Variants in PLXNA4 observed in about 807,000 individuals in gnomAD.
The protein encoded by PLXNA4 is plexin A4.
Under a neutral mutation model 191.8 loss-of-function variants are expected in PLXNA4, and 44 were observed. The observed-to-expected ratio is 0.23, with a 90% CI of 0.18 to 0.29. PLXNA4 has a LOEUF of 0.29. Among genes scored for constraint, PLXNA4 ranks in the 10% least tolerant of loss-of-function variants. The probability of loss-of-function intolerance (pLI) is 1.00; values close to 1 mark genes in which losing one functional copy is unlikely to be tolerated. For missense variants in PLXNA4, 1,800 were observed against 2,488.8 expected (o/e 0.72, Z 5.89); for synonymous variants, 1,082 against 1,009.5 (o/e 1.07, Z -1.36).
intron 12 of PLXNA4, 21 bp downstream of exon 12, chr7:132,202,625 G>A: frequency 6.9e-7 from 1 of 1,449,300 alleles, no homozygotes; most frequent in Non-Finnish European, 9.1e-7. Flanking sequence ...ATTTGGAGCA[G>A]GAGGCCCGAC....
At chr7:132,613,093 G>A (rs1803084927) in intron 2 of PLXNA4, among the ~76,000 whole-genome samples, 1 of 152,174 alleles carries the variant, frequency 6.6e-6, no homozygotes, top group African/African-American at 2.4e-5. Flanking sequence ...GGAAGACAGA[G>A]AGGAAACTGA....
intron 1 of PLXNA4, among the ~76,000 whole-genome samples, chr7:132,532,481 T>C (rs946375034): frequency 2.0e-5 from 3 of 152,238 alleles, no homozygotes; most frequent in Admixed American, 6.5e-5. Flanking sequence ...TTGCCTCTTA[T>C]GTAAGTGAAA....
intron 3 of PLXNA4, among the ~76,000 whole-genome samples, chr7:132,445,693 G>A (rs761433907): frequency 2.0e-5 from 3 of 152,056 alleles, no homozygotes; most frequent in Admixed American, 6.6e-5. Flanking sequence ...TCACTTCCCT[G>A]TACAGAAAAA....
At chr7:132,522,623 T>G (rs1834617) in intron 1 of PLXNA4, among the ~76,000 whole-genome samples, 56,790 of 151,994 alleles carry the variant, frequency 0.37, 12,431 homozygotes, top group South Asian at 0.54. Flanking sequence ...AATACAAAAA[T>G]TAGCCAGGCA....
intron 2 of PLXNA4, among the ~76,000 whole-genome samples, chr7:132,635,875 G>A (rs1455251469): frequency 1.3e-5 from 2 of 152,260 alleles, no homozygotes; most frequent in South Asian, 2.1e-4. Context: ...TCCAAGGGCC[G>A]GGTTATTGAA....
intron 4 of PLXNA4, among the ~76,000 whole-genome samples, chr7:132,262,527 T>A (rs758771985): frequency 3.5e-4 from 53 of 151,754 alleles, no homozygotes; most frequent in Non-Finnish European, 3.2e-4. Context: ...TGGCTGCAGG[T>A]AGGAAAGAGT....
chr7:132,573,219 C>T (rs1470186703), intron 1 of PLXNA4, among the ~76,000 whole-genome samples: 1 of 152,136 alleles, frequency 6.6e-6, no homozygotes, highest in Non-Finnish European at 1.5e-5. Flanking sequence ...GAGACGCTGG[C>T]ACATCTGTTG....
intron 3 of PLXNA4, among the ~76,000 whole-genome samples, chr7:132,347,529 G>A (rs1803293966): frequency 6.6e-6 from 1 of 152,226 alleles, no homozygotes; most frequent in South Asian, 2.1e-4. Context: ...CCAGCTCAAT[G>A]AAGAGGTATT....
At chr7:132,383,477 C>T (rs1212848826) in intron 3 of PLXNA4, 1 of 796,268 alleles carries the variant, frequency 1.3e-6, no homozygotes, top group Non-Finnish European at 1.5e-6. Flanking sequence ...TTTCCAAGCA[C>T]AACTACTGTT....
intron 3 of PLXNA4, among the ~76,000 whole-genome samples, chr7:132,403,981 C>T (rs867873445): frequency 3.3e-5 from 5 of 152,098 alleles, no homozygotes; most frequent in African/African-American, 1.2e-4. Flanking sequence ...AGGTCAGAGC[C>T]GGATAACGGG....
chr7:132,574,499 C>T (rs569659853), intron 1 of PLXNA4, among the ~76,000 whole-genome samples: 4 of 152,308 alleles, frequency 2.6e-5, no homozygotes, highest in African/African-American at 4.8e-5. Context: ...TCACACATGG[C>T]GGGGGCGGGG....
intron 3 of PLXNA4, among the ~76,000 whole-genome samples, chr7:132,362,400 C>T (rs1490181393): frequency 6.6e-6 from 1 of 152,234 alleles, no homozygotes; most frequent in South Asian, 2.1e-4. Flanking sequence ...AAGAGGAACA[C>T]ACGCTTTCTA....
intron 4 of PLXNA4, among the ~76,000 whole-genome samples, chr7:132,263,270 A>ACTGGCCATGCCAAATGTGTT (rs919083077): frequency 6.6e-6 from 1 of 152,182 alleles, no homozygotes; most frequent in Admixed American, 6.5e-5. Flanking sequence ...GGACTGCAGG[A>ACTGGCCATGCCAAATGTGTT]CTGGCCATGC....
chr7:132,540,502 T>C (rs1179780758), intron 1 of PLXNA4, among the ~76,000 whole-genome samples: 3 of 149,378 alleles, frequency 2.0e-5, no homozygotes, highest in African/African-American at 4.9e-5. Context: ...ATTCCCCAAA[T>C]TTCCCCAAAG....
intron 2 of PLXNA4, among the ~76,000 whole-genome samples, chr7:132,603,259 T>A (rs1235951657): frequency 1.5e-5 from 2 of 133,692 alleles, no homozygotes; most frequent in African/African-American, 5.6e-5. Context: ...GAAAAAAAAA[T>A]ATCAAATGGA....
At chr7:132,358,996 C>T (rs1803821068) in intron 3 of PLXNA4, among the ~76,000 whole-genome samples, 1 of 152,080 alleles carries the variant, frequency 6.6e-6, no homozygotes, top group Non-Finnish European at 1.5e-5. Context: ...GAAAAAGCAC[C>T]AGAATCAGAC....
intron 1 of PLXNA4, among the ~76,000 whole-genome samples, chr7:132,533,957 A>AT (rs1171347778): frequency 7.2e-5 from 11 of 151,956 alleles, no homozygotes; most frequent in Admixed American, 2.6e-4. Context: ...TACTATTATT[A>AT]TGTTAACAAG....
chr7:132,323,736 T>C (rs1463843763), intron 3 of PLXNA4, among the ~76,000 whole-genome samples: 1 of 152,188 alleles, frequency 6.6e-6, no homozygotes, highest in Non-Finnish European at 1.5e-5. Flanking sequence ...AACCCAAGAT[T>C]GAGAAACCTG....
intron 9 of PLXNA4, among the ~76,000 whole-genome samples, chr7:132,220,786 C>A (rs1442842781): frequency 6.7e-6 from 1 of 150,022 alleles, no homozygotes; most frequent in Non-Finnish European, 1.5e-5. Flanking sequence ...TGCCCTGGGA[C>A]ACATGGTGGG....
Sources: allele counts gnomAD v4.1 joint callset (sites outside exome capture counted in the v4.1 genomes callset), GRCh38; gene constraint gnomAD v4.1.1; transcripts MANE v1.5; gene names NCBI Gene and HGNC (gene_info 2026-07-23, HGNC 2026-07-21).